SLC15A1: variants seen among roughly 807,000 people sequenced by gnomAD.
SLC15A1 encodes Caco-2 oligopeptide transporter.
SLC15A1 carries 83 observed loss-of-function variants against 92.9 expected under a neutral mutation model. That is an observed-to-expected ratio of 0.89 (90% CI 0.75 to 1.07). The LOEUF (loss-of-function observed/expected upper bound fraction) is 1.07, where lower values mean the gene tolerates loss of function less well. Among genes scored for constraint, SLC15A1 ranks in the 50% least tolerant of loss-of-function variants. SLC15A1 has a pLI of 0.00. For missense variants in SLC15A1, 857 were observed against 880.1 expected (o/e 0.97, Z 0.33); for synonymous variants, 322 against 318.2 (o/e 1.01, Z -0.13).
chr13:98,752,411 C>T (rs1446019008), intron 1 of SLC15A1, among the ~76,000 whole-genome samples, 184 bp downstream of exon 1: 1 of 152,138 alleles, frequency 6.6e-6, no homozygotes, highest in East Asian at 1.9e-4. Context: ...CGCGCCCCGG[C>T]CGCACGGTGA....
At position 98,698,714 on chromosome 13, in the gene SLC15A1, G is replaced by T. The variant is rs9557035; in HGVS notation, c.1466+3766C>A. Among the ~76,000 whole-genome samples, 3 of 152,192 alleles carry T rather than the reference G, an allele frequency of 2.0e-5. No individual in the cohort carries two copies. In the East Asian group the frequency reaches 5.8e-4, roughly 29 times the overall value. The stretch of plus-strand genomic sequence containing the variant: ...AGCCTCCCAAAGTGCTGGGATTACA[G>T]GCATGAGCCACCATGCCCAGCCTAC... On this transcript the variant is annotated intron_variant, in intron 18 of 22. Coordinates refer to ENST00000376503, the MANE Select transcript of SLC15A1 (RefSeq NM_005073.4).
intron 15 of SLC15A1, among the ~76,000 whole-genome samples, chr13:98,707,879 T>G (rs1316225983): frequency 8.6e-6 from 1 of 116,834 alleles, no homozygotes; most frequent in African/African-American, 3.8e-5. Flanking sequence ...GGCGACAGAG[T>G]GAGACCCTGT....
At chr13:98,710,321 T>G (rs1876866417) in intron 11 of SLC15A1, among the ~76,000 whole-genome samples, 1 of 152,198 alleles carries the variant, frequency 6.6e-6, no homozygotes, top group South Asian at 2.1e-4. Flanking sequence ...ACAGCCATTT[T>G]GACAGTCTAG....
At chr13:98,723,190 A>T (rs2088273593) in intron 5 of SLC15A1, among the ~76,000 whole-genome samples, 1 of 152,178 alleles carries the variant, frequency 6.6e-6, no homozygotes, top group South Asian at 2.1e-4. Flanking sequence ...CTCCACCGAC[A>T]CAGTTCCCTC....
At chr13:98,734,988 CCAGCATCATCCTGATACCAAAGTCTGG>C (rs1433923543) in intron 1 of SLC15A1, among the ~76,000 whole-genome samples, 1 of 152,194 alleles carries the variant, frequency 6.6e-6, no homozygotes, top group African/African-American at 2.4e-5. Flanking sequence ...TTTTATGAGG[CCAGCATCATCCTGATACCAAAGTCTGG>C]CAGAGACACA....
intron 1 of SLC15A1, 114 bp from the exon 2 acceptor site, chr13:98,726,973 C>T (rs2088307312): frequency 5.6e-6 from 5 of 892,316 alleles, no homozygotes; most frequent in Admixed American, 1.9e-5. Flanking sequence ...ATTCACCAAA[C>T]AGCTCCAGCC....
intron 18 of SLC15A1, among the ~76,000 whole-genome samples, chr13:98,698,381 T>C (rs1390984244): frequency 6.6e-6 from 1 of 152,200 alleles, no homozygotes; most frequent in Non-Finnish European, 1.5e-5. Flanking sequence ...GGAGGTGAGA[T>C]GAAAAGTAAA....
chr13:98,743,706 T>TAA (rs2088467974), intron 1 of SLC15A1, among the ~76,000 whole-genome samples: 1 of 104,602 alleles, frequency 9.6e-6, no homozygotes, highest in South Asian at 2.9e-4. Flanking sequence ...ACCCTTGCTC[T>TAA]CCAAGTTAGC....
chr13:98,698,935 CTA>C (rs2088044959), intron 18 of SLC15A1, among the ~76,000 whole-genome samples: 1 of 152,032 alleles, frequency 6.6e-6, no homozygotes, highest in Non-Finnish European at 1.5e-5. Flanking sequence ...AACAGGATAC[CTA>C]CTCTCATTCC....
At chr13:98,733,736 T>G (rs9582259) in intron 1 of SLC15A1, among the ~76,000 whole-genome samples, 7,701 of 152,308 alleles carry the variant, frequency 0.051, 229 homozygotes, top group African/African-American at 0.06. Flanking sequence ...TGTAGAGATA[T>G]TCCTCCTAGC....
At chr13:98,714,653 C>A (rs1246736994) in intron 9 of SLC15A1, among the ~76,000 whole-genome samples, 377 of 94,318 alleles carry the variant, frequency 4.0e-3, no homozygotes, top group East Asian at 9.2e-3. Flanking sequence ...GACTCCATCT[C>A]AAAAAAAAAA....
In SLC15A1 at chr13:98,688,494, G is replaced by A; in HGVS notation, c.1550C>T (p.Thr517Ile). ...YANISSYNAS[T>I]YQFFPSGIKG... ...CATGCCAGAAGGAAAAAACTGGTAT[G>A]TGCTGGCATTGTAGCTGCTGATGTT... Residue 517 changes from threonine (T) to isoleucine (I), a missense_variant, in exon 19 of 23, where the codon ACA becomes ATA. Transcript: ENST00000376503. The A allele has an allele frequency of 1.2e-6, 2 of 1,614,044 alleles. No individual in the cohort carries two copies. Among genetic ancestry groups the A allele is most frequent in the Non-Finnish European group, 1.7e-6 (2 of 1,179,932 alleles).
At position 98,684,704 on chromosome 13, in the gene SLC15A1, C is replaced by T; in HGVS notation, c.*20G>A. On this transcript the variant is annotated 3_prime_UTR_variant, in exon 23 of 23. Transcript: ENST00000376503. ...AGGGCATCTGCGGGCCCAGTCCATC[C>T]TCCACTTGCCTCCTGACCTTCACAT... The T allele has an allele frequency of 1.9e-6, 3 of 1,611,140 alleles. No individual in the cohort carries two copies. Among genetic ancestry groups the T allele is most frequent in the South Asian group, 2.2e-5 (2 of 90,624 alleles).
At chr13:98,703,167 AGGAAGGAAGGAAGGGAGGGAGGGAGGGAG>A (rs1593986311) in intron 17 of SLC15A1, among the ~76,000 whole-genome samples, 1 of 129,392 alleles carries the variant, frequency 7.7e-6, no homozygotes, top group Non-Finnish European at 1.6e-5. Flanking sequence ...GACGGACAGA[AGGAAGGAAGGAAGGGAGGGAGGGAGGGAG>A]GGAAGGAAGG....
intron 1 of SLC15A1, among the ~76,000 whole-genome samples, chr13:98,734,531 G>C (rs754276465): frequency 6.6e-6 from 1 of 152,114 alleles, no homozygotes; most frequent in African/African-American, 2.4e-5. Flanking sequence ...CCCTTTCCTA[G>C]CCAAGGGAAG....
chr13:98,720,185 C>T (rs1357144524), intron 7 of SLC15A1, among the ~76,000 whole-genome samples: 2 of 152,002 alleles, frequency 1.3e-5, no homozygotes, highest in African/African-American at 4.8e-5. Context: ...AATAATTTTC[C>T]CCCTATAAAG....
At chr13:98,716,714 A>G (rs1446847720) in intron 8 of SLC15A1, among the ~76,000 whole-genome samples, 1 of 152,210 alleles carries the variant, frequency 6.6e-6, no homozygotes, top group East Asian at 1.9e-4. Context: ...ATTCAGGAAA[A>G]AAGAATTAAT....
At chr13:98,751,926 G>T (rs2088549303) in intron 1 of SLC15A1, among the ~76,000 whole-genome samples, 1 of 152,236 alleles carries the variant, frequency 6.6e-6, no homozygotes, top group Non-Finnish European at 1.5e-5. Flanking sequence ...AGCAGCTCTG[G>T]CTCTGCTTCC....
chr13:98,737,431 A>G (rs967947024), intron 1 of SLC15A1, among the ~76,000 whole-genome samples: 1 of 152,250 alleles, frequency 6.6e-6, no homozygotes, highest in African/African-American at 2.4e-5. Flanking sequence ...AACATGGCAC[A>G]TGTATACATA....
Sources: gnomAD v4.1 joint callset for allele counts (sites outside exome capture counted in the v4.1 genomes callset) on GRCh38, gnomAD v4.1.1 for gene constraint, MANE v1.5 for transcripts, NCBI Gene and HGNC (gene_info 2026-07-23, HGNC 2026-07-21) for gene names.